PRKN: variants seen among roughly 807,000 people sequenced by gnomAD.
The protein encoded by PRKN is parkin RBR E3 ubiquitin protein ligase, also known as E3 ubiquitin-protein ligase parkin.
PRKN carries 56 observed loss-of-function variants against 59.5 expected under a neutral mutation model. The ratio of observed to expected loss-of-function variants is 0.94; its 90% CI spans 0.76 to 1.18. The LOEUF is 1.18. Ranked by LOEUF, PRKN falls within the 50% of genes most tolerant of loss-of-function variation. PRKN has a pLI of 0.00. For missense variants in PRKN, 657 were observed against 596.4 expected, an observed-to-expected ratio of 1.10 and a Z score of -1.06; for synonymous variants, 250 against 222.1, an observed-to-expected ratio of 1.13 and a Z score of -1.12.
intron 9 of PRKN, among the ~76,000 whole-genome samples, chr6:161,478,857 C>G (rs1055435872): frequency 4.6e-5 from 7 of 151,956 alleles, no homozygotes; most frequent in African/African-American, 1.7e-4. Context: ...AAAAACAAAA[C>G]AAAAATGATG....
At chr6:162,453,824 AC>A (rs1790737975) in intron 1 of PRKN, among the ~76,000 whole-genome samples, 1 of 152,040 alleles carries the variant, frequency 6.6e-6, no homozygotes, top group Non-Finnish European at 1.5e-5. Flanking sequence ...AATCACATGA[AC>A]CCAGGAGGTG....
intron 1 of PRKN, among the ~76,000 whole-genome samples, chr6:162,553,220 G>A (rs528996116): frequency 6.6e-6 from 1 of 152,292 alleles, no homozygotes; most frequent in South Asian, 2.1e-4. Context: ...GCAGAGGTGG[G>A]TGTCCAGCAC....
intron 2 of PRKN, among the ~76,000 whole-genome samples, chr6:162,323,671 T>C (rs934338697): frequency 2.6e-5 from 4 of 152,054 alleles, no homozygotes; most frequent in Non-Finnish European, 5.9e-5. Context: ...TTTTAGTCAT[T>C]AGGGAAACGC....
At chr6:162,297,323 G>A (rs528568067) in intron 2 of PRKN, among the ~76,000 whole-genome samples, 16 of 152,108 alleles carry the variant, frequency 1.1e-4, no homozygotes, top group Admixed American at 5.2e-4. Context: ...TCCGTTACAA[G>A]ATCCTGGTAG....
intron 7 of PRKN, among the ~76,000 whole-genome samples, chr6:161,655,362 C>G (rs1384308602): frequency 2.0e-5 from 3 of 150,604 alleles, no homozygotes; most frequent in Non-Finnish European, 4.4e-5. Flanking sequence ...TAGCATGGGC[C>G]TGGCCCCTCA....
intron 2 of PRKN, among the ~76,000 whole-genome samples, chr6:162,377,783 C>A (rs916192244): frequency 1.3e-5 from 2 of 152,202 alleles, no homozygotes; most frequent in African/African-American, 4.8e-5. Context: ...AGATTAGCAA[C>A]CCAAAGCAAT....
rs998794314 is a variant in PRKN, at chr6:161,419,627, A to T, written c.1084-32750T>A. On this transcript the variant is annotated intron_variant, in intron 9 of 11. Coordinates refer to ENST00000366898, the MANE Select transcript of PRKN (RefSeq NM_004562.3). The surrounding 1 kb of genome is among the most constrained non-coding windows in gnomAD (Gnocchi z 4.1). ...GGTCTCAAACTCCTGACCTCAAGTGATCTGCCCACCTCTGCCTCCCAAAGT... is the reference window on the plus strand; with the variant it reads ...GGTCTCAAACTCCTGACCTCAAGTGTTCTGCCCACCTCTGCCTCCCAAAGT... Among the ~76,000 whole-genome samples, 2 of 151,784 alleles carry T rather than the reference A, an allele frequency of 1.3e-5. No homozygotes were observed. Among genetic ancestry groups the T allele is most frequent in the Non-Finnish European group, 1.5e-5 (1 of 67,982 alleles).
intron 6 of PRKN, among the ~76,000 whole-genome samples, chr6:161,871,645 G>C (rs568472815): frequency 8.5e-5 from 13 of 152,302 alleles, no homozygotes; most frequent in African/African-American, 3.1e-4. Context: ...ACAGCACAAA[G>C]CTCCCTGTAC....
intron 4 of PRKN, among the ~76,000 whole-genome samples, chr6:162,164,771 A>G (rs1423398060): frequency 6.7e-6 from 1 of 149,014 alleles, no homozygotes; most frequent in Non-Finnish European, 1.5e-5. Context: ...TGATCTCACC[A>G]AGCTTAATCA....
At chr6:162,383,502 C>A (rs1285864979) in intron 2 of PRKN, among the ~76,000 whole-genome samples, 3 of 152,040 alleles carry the variant, frequency 2.0e-5, no homozygotes, top group African/African-American at 7.2e-5. Context: ...AATATTCACT[C>A]GAGTATGCCC....
At chr6:162,680,445 G>T (rs1356567165) in intron 1 of PRKN, among the ~76,000 whole-genome samples, 1 of 151,596 alleles carries the variant, frequency 6.6e-6, no homozygotes, top group African/African-American at 2.4e-5. Flanking sequence ...TATTGTCATA[G>T]AATCCAAATC....
At chr6:162,025,785 C>T (rs1783411784) in intron 5 of PRKN, among the ~76,000 whole-genome samples, 1 of 151,498 alleles carries the variant, frequency 6.6e-6, no homozygotes, top group South Asian at 2.1e-4. Context: ...GATGGGGTTT[C>T]ACCATGTTGG....
At chr6:162,146,661 T>C (rs1389118286) in intron 4 of PRKN, among the ~76,000 whole-genome samples, 1 of 151,874 alleles carries the variant, frequency 6.6e-6, no homozygotes, top group Non-Finnish European at 1.5e-5. Context: ...TGCACCATCA[T>C]GCCTGGCTAA....
intron 4 of PRKN, among the ~76,000 whole-genome samples, chr6:162,103,263 T>A (rs2128299868): frequency 6.6e-6 from 1 of 151,910 alleles, no homozygotes; most frequent in South Asian, 2.1e-4. Context: ...ACAGGAGCAA[T>A]AAAAGAAAAT....
chr6:162,369,247 A>G (rs1785619453), intron 2 of PRKN, among the ~76,000 whole-genome samples: 1 of 152,218 alleles, frequency 6.6e-6, no homozygotes, highest in Admixed American at 6.5e-5. Flanking sequence ...TTGAATTGGC[A>G]AATGTCATTT....
At chr6:162,216,163 C>A (rs1777642179) in intron 3 of PRKN, among the ~76,000 whole-genome samples, 2 of 152,124 alleles carry the variant, frequency 1.3e-5, no homozygotes, top group South Asian at 4.1e-4. Flanking sequence ...GTCTGAAAGG[C>A]CATCTTCACT....
intron 1 of PRKN, among the ~76,000 whole-genome samples, chr6:162,662,316 A>G (rs964350576): frequency 6.7e-6 from 1 of 149,018 alleles, no homozygotes; most frequent in African/African-American, 2.5e-5. Context: ...TAGATTCTGG[A>G]TATTAGCCCT....
chr6:162,102,842 G>T (rs1284289498), intron 4 of PRKN, among the ~76,000 whole-genome samples: 1 of 146,446 alleles, frequency 6.8e-6, no homozygotes, highest in Non-Finnish European at 1.5e-5. Flanking sequence ...AGGAGATCGA[G>T]ACCATCCTGG....
intron 6 of PRKN, among the ~76,000 whole-genome samples, chr6:161,802,487 C>G (rs1337375610): frequency 6.6e-6 from 1 of 151,704 alleles, no homozygotes; most frequent in African/African-American, 2.4e-5. Context: ...CCCACACACC[C>G]CACATATGAC....
Sources: gnomAD v4.1 joint callset for allele counts (sites outside exome capture counted in the v4.1 genomes callset) on GRCh38, gnomAD v4.1.1 for gene constraint, Gnocchi (gnomAD v3.1) non-coding constraint, MANE v1.5 for transcripts, NCBI Gene and HGNC (gene_info 2026-07-23, HGNC 2026-07-21) for gene names.